Variants in HS6ST3 observed in about 807,000 individuals in gnomAD.
HS6ST3 encodes the protein heparan sulfate 6-O-sulfotransferase 3, also known as heparan-sulfate 6-O-sulfotransferase 3.
HS6ST3 carries 12 observed loss-of-function variants against 36.7 expected under a neutral mutation model. The ratio of observed to expected loss-of-function variants is 0.33; its 90% CI spans 0.21 to 0.53. The LOEUF (loss-of-function observed/expected upper bound fraction) is 0.53, where lower values mean the gene tolerates loss of function less well. HS6ST3 is among the 20% of genes least tolerant of loss of function. HS6ST3 has a pLI of 0.95. For missense variants in HS6ST3, 584 were observed against 640.9 expected, an observed-to-expected ratio of 0.91 and a Z score of 0.96; for synonymous variants, 240 against 257.5, an observed-to-expected ratio of 0.93 and a Z score of 0.65.
At chr13:96,459,100 T>TAAAAAAAAAAAAAAAAAGAAAAAAAAAAA (rs2055768826) in intron 1 of HS6ST3, among the ~76,000 whole-genome samples, 1 of 63,884 alleles carries the variant, frequency 1.6e-5, no homozygotes, top group African/African-American at 9.0e-5. Context: ...CAAGACTGTC[T>TAAAAAAAAAAAAAAAAAGAAAAAAAAAAA]AAAAAAAAAA....
At position 96,491,615 on chromosome 13, in the gene HS6ST3, C is replaced by G. The variant is rs574245895; in HGVS notation, c.708-340875C>G. ...AAATGAATTATCTGCCACCACCCAC[C>G]TGCATTCCCAACTTGCATACTCATA... On this transcript the variant is annotated intron_variant, in intron 1 of 1. Transcript: ENST00000376705. Among the ~76,000 whole-genome samples, 6 of 152,208 alleles carry G rather than the reference C, an allele frequency of 3.9e-5. No homozygotes were observed. The East Asian group carries it at 9.7e-4, about 25-fold the overall frequency.
chr13:96,306,493 G>C (rs2054914192), intron 1 of HS6ST3, among the ~76,000 whole-genome samples: 1 of 152,162 alleles, frequency 6.6e-6, no homozygotes, highest in South Asian at 2.1e-4. Flanking sequence ...TTACAGGCGT[G>C]AGTCACCGCA....
At chr13:96,517,526 T>C (rs1566384267) in intron 1 of HS6ST3, among the ~76,000 whole-genome samples, 1 of 152,218 alleles carries the variant, frequency 6.6e-6, no homozygotes, top group African/African-American at 2.4e-5. Context: ...TTCCTTGACA[T>C]AGAAACTTTG....
At chr13:96,637,739 T>TA (rs534261943) in intron 1 of HS6ST3, among the ~76,000 whole-genome samples, 1 of 151,792 alleles carries the variant, frequency 6.6e-6, no homozygotes, top group Non-Finnish European at 1.5e-5. Context: ...AGTAAACAAA[T>TA]AAAAAAAACA....
chr13:96,462,842 A>G (rs2055791782), intron 1 of HS6ST3, among the ~76,000 whole-genome samples: 1 of 152,218 alleles, frequency 6.6e-6, no homozygotes, highest in Non-Finnish European at 1.5e-5. Flanking sequence ...TCTAGATGCT[A>G]GCACCAAGAA....
chr13:96,574,147 A>T, intron 1 of HS6ST3: 1 of 533,330 alleles, frequency 1.9e-6, no homozygotes, highest in South Asian at 1.4e-5. Flanking sequence ...GCATTTAAGG[A>T]CAGCTGATAT....
At chr13:96,404,661 C>A (rs568689926) in intron 1 of HS6ST3, among the ~76,000 whole-genome samples, 4 of 152,318 alleles carry the variant, frequency 2.6e-5, no homozygotes, top group African/African-American at 9.6e-5. Flanking sequence ...AAGAAGTTGG[C>A]AAAAGGCCAA....
chr13:96,353,266 A>T (rs1248919915), intron 1 of HS6ST3, among the ~76,000 whole-genome samples: 2 of 151,592 alleles, frequency 1.3e-5, no homozygotes, highest in Non-Finnish European at 2.9e-5. Context: ...TCTCTTGTGT[A>T]TTCTTAAATC....
chr13:96,714,037 A>C (rs920658214), intron 1 of HS6ST3, among the ~76,000 whole-genome samples: 1 of 152,166 alleles, frequency 6.6e-6, no homozygotes, highest in Admixed American at 6.5e-5. Flanking sequence ...AATAGCTCCC[A>C]TGTGGTTTAA....
At chr13:96,521,366 A>G (rs1347771003) in intron 1 of HS6ST3, among the ~76,000 whole-genome samples, 1 of 152,200 alleles carries the variant, frequency 6.6e-6, no homozygotes, top group Non-Finnish European at 1.5e-5. Context: ...TGGCCTTATA[A>G]AATGAGTTAG....
chr13:96,280,310 T>A (rs2054769358), intron 1 of HS6ST3, among the ~76,000 whole-genome samples: 1 of 152,160 alleles, frequency 6.6e-6, no homozygotes, highest in African/African-American at 2.4e-5. Context: ...GCCAAAAAAT[T>A]GCCAATGAAA....
intron 1 of HS6ST3, among the ~76,000 whole-genome samples, chr13:96,304,468 A>G (rs2054899254): frequency 6.6e-6 from 1 of 152,126 alleles, no homozygotes; most frequent in African/African-American, 2.4e-5. Context: ...GGCCTAATCA[A>G]GGGACCATCT....
intron 1 of HS6ST3, among the ~76,000 whole-genome samples, chr13:96,417,606 G>GTGTGTC (rs779991971): frequency 8.0e-5 from 12 of 150,758 alleles, no homozygotes; most frequent in Non-Finnish European, 1.6e-4. Context: ...GTGTGTGTGT[G>GTGTGTC]TGTGTGTGTG....
At chr13:96,532,457 A>C (rs2056139500) in intron 1 of HS6ST3, among the ~76,000 whole-genome samples, 1 of 152,216 alleles carries the variant, frequency 6.6e-6, no homozygotes, top group South Asian at 2.1e-4. Context: ...TATCGGGAAA[A>C]GTATTTGCTA....
chr13:96,381,410 G>GTATCTATGTATCTATC (rs141594405), intron 1 of HS6ST3, among the ~76,000 whole-genome samples: 44 of 138,682 alleles, frequency 3.2e-4, no homozygotes, highest in South Asian at 1.2e-3. Flanking sequence ...ATGTATCTAT[G>GTATCTATGTATCTATC]TATCTATCTA....
At chr13:96,786,981 T>G (rs1877668800) in intron 1 of HS6ST3, among the ~76,000 whole-genome samples, 1 of 152,198 alleles carries the variant, frequency 6.6e-6, no homozygotes, top group South Asian at 2.1e-4. Context: ...TCACATAATA[T>G]GAATCCATTT....
chr13:96,241,758 G>T (rs1256888353), intron 1 of HS6ST3, among the ~76,000 whole-genome samples: 1 of 150,308 alleles, frequency 6.7e-6, no homozygotes, highest in Non-Finnish European at 1.5e-5. Flanking sequence ...AGATGAAAAG[G>T]AATGATGTAA....
At chr13:96,222,485 C>G (rs1323356799) in intron 1 of HS6ST3, among the ~76,000 whole-genome samples, 1 of 152,170 alleles carries the variant, frequency 6.6e-6, no homozygotes, top group Non-Finnish European at 1.5e-5. Context: ...ATCCAAGCAA[C>G]GAGGTAACAA....
At chr13:96,165,390 G>T (rs747474843) in intron 1 of HS6ST3, among the ~76,000 whole-genome samples, 15 of 152,148 alleles carry the variant, frequency 9.9e-5, no homozygotes, top group Non-Finnish European at 1.5e-4. Context: ...GGACTCCTTA[G>T]TTTATGAAAA....
Sources: allele counts gnomAD v4.1 joint callset (sites outside exome capture counted in the v4.1 genomes callset), GRCh38; gene constraint gnomAD v4.1.1; transcripts MANE v1.5; gene names NCBI Gene and HGNC (gene_info 2026-07-23, HGNC 2026-07-21).